The following CIT variants were observed in gnomAD, a reference collection of about 807,000 sequenced individuals.
CIT encodes the protein citron Rho-interacting kinase.
CIT carries 79 observed loss-of-function variants against 272.7 expected under a neutral mutation model. The ratio of observed to expected loss-of-function variants is 0.29; its 90% CI spans 0.24 to 0.35. The LOEUF (loss-of-function observed/expected upper bound fraction) is 0.35. CIT is among the 10% of genes least tolerant of loss of function. The probability of loss-of-function intolerance (pLI) is 1.00; values close to 1 mark genes in which losing one functional copy is unlikely to be tolerated. For missense variants in CIT, 1,909 were observed against 2,618.3 expected, an observed-to-expected ratio of 0.73 and a Z score of 5.91; for synonymous variants, 948 against 995.6, an observed-to-expected ratio of 0.95 and a Z score of 0.90.
chr12:119,762,061 G>C (rs1961871305), intron 19 of CIT, among the ~76,000 whole-genome samples: 1 of 152,188 alleles, frequency 6.6e-6, no homozygotes, highest in East Asian at 1.9e-4. Context: ...GAATAAAGCT[G>C]AAAGAGCTGG....
intron 10 of CIT, among the ~76,000 whole-genome samples, chr12:119,801,550 A>C (rs1027991489): frequency 4.6e-5 from 7 of 152,180 alleles, no homozygotes; most frequent in Non-Finnish European, 5.9e-5. Context: ...GCAAGCTTGC[A>C]TTCTGACCCA....
At chr12:119,844,848 C>T (rs534233537) in intron 5 of CIT, among the ~76,000 whole-genome samples, 9 of 152,262 alleles carry the variant, frequency 5.9e-5, no homozygotes, top group African/African-American at 1.9e-4. Context: ...AGGCTGGGCA[C>T]GGTGGCTCAC....
chr12:119,688,464 C>T (rs1382527702), intron 47 of CIT, among the ~76,000 whole-genome samples: 2 of 152,222 alleles, frequency 1.3e-5, no homozygotes, highest in South Asian at 2.1e-4. Context: ...TGTGTACCTG[C>T]GATGCTGTAA....
In CIT at chr12:119,694,328, C is replaced by T. The variant is rs930371502; in HGVS notation, c.5882+3331G>A. Among the ~76,000 whole-genome samples, 7 of 152,148 alleles carry T rather than the reference C, an allele frequency of 4.6e-5. No individual in the cohort carries two copies. The highest frequency in any genetic ancestry group is 1.7e-4 in the African/African-American group (7 of 41,424). On this transcript the variant is annotated intron_variant, in intron 46 of 47. Coordinates refer to ENST00000392521, the MANE Select transcript of CIT (RefSeq NM_001206999.2). The surrounding 1 kb of genome is among the most constrained non-coding windows in gnomAD (Gnocchi z 4.5). ...ATTTATTGCAGCAACAGATTGGAGA[C>T]AACTCGAACAGCCATTAATGAAGAA... is the stretch of plus-strand genomic sequence containing the variant.
rs376364280 is a variant in CIT, at chr12:119,741,795, AGACT to A, written c.2958+612_2958+615del. ...TCAGTTCTTCACTCTCATCAAAAATAGACTGAATTCCCACTGACCCTACTCTATT... is the reference window on the plus strand; with the variant it reads ...TCAGTTCTTCACTCTCATCAAAAATAGAATTCCCACTGACCCTACTCTATT... On this transcript the variant is annotated intron_variant, in intron 24 of 47. Transcript: ENST00000392521. Among the ~76,000 whole-genome samples, 95 of 152,344 alleles carry A rather than the reference AGACT, an allele frequency of 6.2e-4. 2 individuals carry two copies. The East Asian group carries it at 0.011, about 18-fold the overall frequency.
chr12:119,775,387 C>G (rs1963649815), intron 16 of CIT, among the ~76,000 whole-genome samples: 1 of 152,216 alleles, frequency 6.6e-6, no homozygotes, highest in Non-Finnish European at 1.5e-5. Flanking sequence ...ACGTGACAAC[C>G]CCATGGCTCC....
chr12:119,770,966 C>T lies in CIT; in HGVS notation c.2083-56G>A, dbSNP rs1254449379. Reference sequence around the variant, plus strand: ...AATGGAGTAACCGCTATGGGCATAACACCTGCACCGAGGGAAAGAGCCCTC... The same window carrying T: ...AATGGAGTAACCGCTATGGGCATAATACCTGCACCGAGGGAAAGAGCCCTC... On this transcript the variant is annotated intron_variant, in intron 17 of 47. Transcript: ENST00000392521. The surrounding 1 kb of genome is among the most constrained non-coding windows in gnomAD (Gnocchi z 4.4). 1 of 1,582,910 alleles carries T rather than the reference C, an allele frequency of 6.3e-7. No homozygotes were observed. Among genetic ancestry groups the T allele is most frequent in the Non-Finnish European group, 8.6e-7 (1 of 1,165,112 alleles).
At chr12:119,726,073 C>T (rs942925335) in intron 28 of CIT, among the ~76,000 whole-genome samples, 2 of 150,826 alleles carry the variant, frequency 1.3e-5, no homozygotes, top group African/African-American at 4.9e-5. Flanking sequence ...TTTACAGAGG[C>T]AAAATACACG....
chr12:119,869,677 C>A (rs1481266432), intron 2 of CIT, among the ~76,000 whole-genome samples: 1 of 152,092 alleles, frequency 6.6e-6, no homozygotes, highest in Non-Finnish European at 1.5e-5. Flanking sequence ...CAAATTTACT[C>A]ATGATCTGGA....
intron 7 of CIT, among the ~76,000 whole-genome samples, chr12:119,831,872 AAAAAAAG>A (rs769060857): frequency 7.9e-5 from 12 of 152,230 alleles, no homozygotes; most frequent in Non-Finnish European, 1.6e-4. Context: ...TCCGTCTCAA[AAAAAAAG>A]AAAAAAGAAA....
Position 119,850,251 on chromosome 12 carries a change from T to C in CIT, c.439A>G (p.Asn147Asp), listed in dbSNP as rs750143313. Residue 147 changes from asparagine (N) to aspartate (D), a missense_variant, in exon 5 of 48, where the codon AAC becomes GAC. By Grantham distance (23) the Asn-to-Asp change is conservative. Transcript: ENST00000392521. ...GGGCTTGTGCTTCGAGATAATATGT[T>C]CCGCTCTTCCTCAAAAAATGAAACC... ...EQVSFFEEER[N>D]ILSRSTSPWI... is the part of the protein sequence containing the mutation. 6.2e-7 allele frequency: 1 copy of C among 1,612,876 alleles called. No individual in the cohort carries two copies. The highest frequency in any genetic ancestry group is 1.1e-5 in the South Asian group (1 of 91,018).
chr12:119,687,085 G>A lies in CIT; in HGVS notation c.*1147C>T, dbSNP rs1003373034. On this transcript the variant is annotated 3_prime_UTR_variant, in exon 48 of 48. Coordinates refer to ENST00000392521, the MANE Select transcript of CIT (RefSeq NM_001206999.2). ...AAATCCTTCTCTGGTCGTAAGGCTT[G>A]AGCGTTTTGTTTTTTGTTTGTTCAG... 1 of 152,776 alleles carries A rather than the reference G, an allele frequency of 6.5e-6. No homozygotes were observed. The highest frequency in any genetic ancestry group is 1.5e-5 in the Non-Finnish European group (1 of 68,148). The allele number at this position is 152,776 out of a possible 1,614,324, so 9.5% of individuals were successfully genotyped here.
In CIT at chr12:119,724,171, T is replaced by C. The variant is rs16949601; in HGVS notation, c.3592-2722A>G. Among the ~76,000 whole-genome samples the C allele has an allele frequency of 9.9e-3, 1,501 of 152,226 alleles. 29 individuals are homozygous for C. Among genetic ancestry groups the C allele is most frequent in the African/African-American group, 0.034 (1,400 of 41,532 alleles). ...GGCAATTTGGAGTGGGAGAGCTATT[T>C]GGATATCTAGTTGACTGTCACAGAG... On this transcript the variant is annotated intron_variant, in intron 28 of 47. Transcript: ENST00000392521.
At chr12:119,726,195 C>T (rs1319905957) in intron 28 of CIT, among the ~76,000 whole-genome samples, 1 of 151,876 alleles carries the variant, frequency 6.6e-6, no homozygotes, top group African/African-American at 2.4e-5. Context: ...CTTTCTCAAA[C>T]TCCCACCCAT....
chr12:119,827,998 A>T (rs992074390), intron 7 of CIT, among the ~76,000 whole-genome samples: 1 of 152,202 alleles, frequency 6.6e-6, no homozygotes, highest in Non-Finnish European at 1.5e-5. Context: ...ACAACCAAAG[A>T]GTTGCAAAAA....
rs77569866 is a variant in CIT, at chr12:119,725,092, C to A, written c.3591+3410G>T. 2.1e-3 allele frequency among the ~76,000 whole-genome samples: 322 copies of A among 152,128 alleles called. 5 individuals carry two copies. The highest frequency in any genetic ancestry group is 7.4e-3 in the African/African-American group (309 of 41,506). ...ATTCAGACTGGATGATATAAAAATT[C>A]TTTCAATTCTGAGACTTTGATTCTG... On this transcript the variant is annotated intron_variant, in intron 28 of 47. Transcript: ENST00000392521.
intron 3 of CIT, among the ~76,000 whole-genome samples, chr12:119,867,558 G>A (rs1026199290): frequency 1.3e-5 from 2 of 152,142 alleles, no homozygotes; most frequent in African/African-American, 4.8e-5. Context: ...ACAAGGTGGG[G>A]TTTCTCAAAT....
At chr12:119,821,181 G>A (rs947037815) in intron 9 of CIT, among the ~76,000 whole-genome samples, 4 of 151,772 alleles carry the variant, frequency 2.6e-5, no homozygotes, top group Non-Finnish European at 5.9e-5. Flanking sequence ...TATAATCCCA[G>A]CTACTTGGGA....
chr12:119,753,596 G>C (rs1431732606), intron 22 of CIT, among the ~76,000 whole-genome samples: 2 of 152,060 alleles, frequency 1.3e-5, no homozygotes, highest in Non-Finnish European at 2.9e-5. Flanking sequence ...AATTAGCTGG[G>C]TGTGGTGGCA....
Sources: gnomAD v4.1 joint callset for allele counts (sites outside exome capture counted in the v4.1 genomes callset) on GRCh38, gnomAD v4.1.1 for gene constraint, Gnocchi (gnomAD v3.1) non-coding constraint, MANE v1.5 for transcripts, NCBI Gene and HGNC (gene_info 2026-07-23, HGNC 2026-07-21) for gene names.